ATF7IP: variants seen among roughly 807,000 people sequenced by gnomAD.
ATF7IP encodes the protein activating transcription factor 7-interacting protein 1.
In ATF7IP, 23 loss-of-function variants were observed where a neutral mutation model predicts 106.4. The ratio of observed to expected loss-of-function variants is 0.22; its 90% CI spans 0.16 to 0.31. The LOEUF (loss-of-function observed/expected upper bound fraction) is 0.31. Among genes scored for constraint, ATF7IP ranks in the 10% least tolerant of loss-of-function variants. The pLI is 1.00. For synonymous variants in ATF7IP, 542 were observed against 539.0 expected (o/e 1.01, Z -0.08); for missense variants, 1,334 against 1,524.3 (o/e 0.88, Z 2.08).
chr12:14,459,281 A>G (rs1943550106), intron 8 of ATF7IP, among the ~76,000 whole-genome samples: 1 of 152,218 alleles, frequency 6.6e-6, no homozygotes, highest in South Asian at 2.1e-4. Context: ...CAATTGCACA[A>G]GCATTTTTCC....
intron 13 of ATF7IP, among the ~76,000 whole-genome samples, chr12:14,485,366 C>T (rs1944567117): frequency 6.6e-6 from 1 of 151,898 alleles, no homozygotes; most frequent in South Asian, 2.1e-4. Context: ...TAGTCTTTCA[C>T]CTTAGAAGGC....
chr12:14,461,606 T>A (rs1326797849), intron 9 of ATF7IP, among the ~76,000 whole-genome samples: 1 of 152,190 alleles, frequency 6.6e-6, no homozygotes, highest in Non-Finnish European at 1.5e-5. Flanking sequence ...TCTTTCACAT[T>A]TGCTATAAAA....
chr12:14,492,915 G>A (rs527716698), intron 13 of ATF7IP, among the ~76,000 whole-genome samples: 8 of 152,242 alleles, frequency 5.3e-5, no homozygotes, highest in South Asian at 2.1e-4. Flanking sequence ...AATCTGTTTC[G>A]CAAGGCATTG....
intron 1 of ATF7IP, among the ~76,000 whole-genome samples, chr12:14,370,477 T>G (rs1315663108): frequency 6.6e-6 from 1 of 152,212 alleles, no homozygotes; most frequent in East Asian, 1.9e-4. Context: ...CATAGCTGAT[T>G]TTGACTGTTT....
chr12:14,474,120 T>C (rs1944163569), intron 10 of ATF7IP, among the ~76,000 whole-genome samples: 1 of 151,836 alleles, frequency 6.6e-6, no homozygotes, highest in African/African-American at 2.4e-5. Context: ...TCTTCTCATT[T>C]AGGGTTTTGC....
At chr12:14,488,126 AC>A (rs1210279764) in intron 13 of ATF7IP, among the ~76,000 whole-genome samples, 1 of 151,918 alleles carries the variant, frequency 6.6e-6, no homozygotes, top group Admixed American at 6.6e-5. Context: ...GTTCTTCTAG[AC>A]CCCCAATCCT....
At chr12:14,493,515 G>A (rs1429636466) in intron 13 of ATF7IP, among the ~76,000 whole-genome samples, 1 of 152,184 alleles carries the variant, frequency 6.6e-6, no homozygotes, top group Non-Finnish European at 1.5e-5. Context: ...TTCAGACAAA[G>A]TTGGAAAGGC....
chr12:14,425,192 A>G lies in ATF7IP; in HGVS notation c.1277A>G (p.Asn426Ser). ...EDNKSENILENTDSMETDEII... is the reference protein window; with the variant it reads ...EDNKSENILESTDSMETDEII... Reference sequence around the variant, plus strand: ...AACAAAAGTGAGAATATCTTAGAAAATACAGACTCTATGGAGACAGATGAA... The same window carrying G: ...AACAAAAGTGAGAATATCTTAGAAAGTACAGACTCTATGGAGACAGATGAA... Residue 426 changes from asparagine to serine, a missense_variant, in exon 2 of 15, where the codon AAT becomes AGT. Physicochemically the swap from Asn to Ser is conservative, Grantham distance 46. This residue lies in a region of ATF7IP where 438 missense variants were observed against 405.3 expected (regional missense o/e 1.08). Coordinates refer to ENST00000261168, the MANE Select transcript of ATF7IP (RefSeq NM_018179.5). 1 of 1,597,678 alleles carries G rather than the reference A, an allele frequency of 6.3e-7. No individual in the cohort carries two copies. Among genetic ancestry groups the G allele is most frequent in the South Asian group, 1.1e-5 (1 of 87,232 alleles).
chr12:14,444,989 A>G (rs1263979222), intron 5 of ATF7IP, among the ~76,000 whole-genome samples: 1 of 144,186 alleles, frequency 6.9e-6, no homozygotes, highest in African/African-American at 2.6e-5. Flanking sequence ...GTAACCACCT[A>G]GTTTTTTTTT....
At chr12:14,468,766 G>A (rs1447952654) in intron 10 of ATF7IP, among the ~76,000 whole-genome samples, 1 of 152,136 alleles carries the variant, frequency 6.6e-6, no homozygotes, top group African/African-American at 2.4e-5. Flanking sequence ...TGTGTAATAA[G>A]AAACCATAAT....
At chr12:14,441,003 C>G (rs1383639901) in intron 5 of ATF7IP, among the ~76,000 whole-genome samples, 2 of 152,152 alleles carry the variant, frequency 1.3e-5, no homozygotes, top group African/African-American at 4.8e-5. Context: ...TTGGGTTGTT[C>G]CTACTTTCAG....
chr12:14,377,017 C>T (rs1219377692), intron 1 of ATF7IP, among the ~76,000 whole-genome samples: 1 of 152,154 alleles, frequency 6.6e-6, no homozygotes, highest in Non-Finnish European at 1.5e-5. Flanking sequence ...TTTTTTGAGA[C>T]ACTGTCTTGC....
chr12:14,464,017 A>G (rs1943736640), intron 9 of ATF7IP, among the ~76,000 whole-genome samples: 1 of 152,232 alleles, frequency 6.6e-6, no homozygotes, highest in Non-Finnish European at 1.5e-5. Flanking sequence ...CTAAGACTAT[A>G]TAAAACTAGA....
At chr12:14,393,354 G>GAAAGCTCTTTTGATAT (rs1939676986) in intron 1 of ATF7IP, among the ~76,000 whole-genome samples, 1 of 151,894 alleles carries the variant, frequency 6.6e-6, no homozygotes, top group African/African-American at 2.4e-5. Flanking sequence ...ATGGTACTTA[G>GAAAGCTCTTTTGATAT]AAAGCTCTTT....
In ATF7IP at chr12:14,436,169, G is replaced by C; in HGVS notation, c.1709G>C (p.Arg570Pro). Residue 570 changes from arginine to proline, a missense_variant, in exon 4 of 15, where the codon CGT (arginine) becomes CCT (proline). By Grantham distance (103) the Arg-to-Pro change is moderately radical (BLOSUM62 -2). Around this residue, in one of 10 missense-constraint regions of ATF7IP, gnomAD observed 119 missense variants for 117.8 expected, o/e 1.01. Transcript: ENST00000261168. Reference protein sequence around the residue: ...EDMDNVQSKRRRYMEEEYEAE... With the variant: ...EDMDNVQSKRPRYMEEEYEAE... The stretch of plus-strand genomic sequence containing the variant: ...ATGGACAATGTACAGTCTAAACGTC[G>C]TCGATATATGGAAGAAGAATATGAG... The C allele has an allele frequency of 6.2e-7, 1 of 1,613,680 alleles. No individual in the cohort carries two copies. The highest frequency in any genetic ancestry group is 8.5e-7 in the Non-Finnish European group (1 of 1,179,788).
chr12:14,451,650 CA>C (rs1943207572), intron 6 of ATF7IP, among the ~76,000 whole-genome samples: 1 of 150,540 alleles, frequency 6.6e-6, no homozygotes, highest in Non-Finnish European at 1.5e-5. Context: ...GTTTAATTTT[CA>C]CATATTTGTG....
At chr12:14,436,318 C>T in intron 4 of ATF7IP, 67 bp downstream of exon 4, 1 of 1,423,528 alleles carries the variant, frequency 7.0e-7, no homozygotes, top group Non-Finnish European at 9.6e-7. Context: ...TTCTAGGTTT[C>T]TGACATTATT....
chr12:14,458,367 A>G (rs1187221552), intron 8 of ATF7IP, among the ~76,000 whole-genome samples: 3 of 152,232 alleles, frequency 2.0e-5, no homozygotes, highest in Non-Finnish European at 4.4e-5. Context: ...AGCATATGAA[A>G]GAAATCCAGT....
chr12:14,423,941 A>C lies in ATF7IP; in HGVS notation c.26A>C (p.Lys9Thr). 1 of 1,606,120 alleles carries C rather than the reference A, an allele frequency of 6.2e-7. No homozygotes were observed. The highest frequency in any genetic ancestry group is 8.5e-7 in the Non-Finnish European group (1 of 1,177,340). Residue 9 changes from lysine to threonine, a missense_variant, in exon 2 of 15, where the codon AAA (lysine) becomes ACA (threonine). Lys to Thr is a moderately conservative substitution (Grantham distance 78). Around this residue, in one of 10 missense-constraint regions of ATF7IP, gnomAD observed 74 missense variants for 101.9 expected, o/e 0.73. Coordinates refer to ENST00000261168, the MANE Select transcript of ATF7IP (RefSeq NM_018179.5). MDSLEEPQ[K>T]KVFKARKTMR... ...ATGGACAGTTTAGAAGAACCTCAGA[A>C]AAAAGTCTTTAAGGCTCGAAAAACG...
Sources: allele counts gnomAD v4.1 joint callset (sites outside exome capture counted in the v4.1 genomes callset), GRCh38; gene constraint gnomAD v4.1.1; regional missense constraint gnomAD v4.1.1; transcripts MANE v1.5; gene names NCBI Gene and HGNC (gene_info 2026-07-23, HGNC 2026-07-21).